Variants in PRUNE2 observed in about 807,000 individuals in gnomAD.
The protein encoded by PRUNE2 is protein prune homolog 2.
PRUNE2 carries 164 observed loss-of-function variants against 252.0 expected under a neutral mutation model. That is an observed-to-expected ratio of 0.65 (90% CI 0.57 to 0.74). The LOEUF is 0.74. Ranked by LOEUF, PRUNE2 falls within the 30% of genes least tolerant of loss-of-function variation. The pLI is 0.00. For synonymous variants in PRUNE2, 1,292 were observed against 1,350.2 expected, an observed-to-expected ratio of 0.96 and a Z score of 0.94; for missense variants, 3,495 against 3,711.0, an observed-to-expected ratio of 0.94 and a Z score of 1.51.
chr9:76,855,592 C>A (rs530072528), intron 1 of PRUNE2, among the ~76,000 whole-genome samples: 1 of 152,116 alleles, frequency 6.6e-6, no homozygotes, highest in Non-Finnish European at 1.5e-5. Flanking sequence ...ATATAACAAA[C>A]CAAATCTTGG....
intron 6 of PRUNE2, among the ~76,000 whole-genome samples, chr9:76,746,184 C>T (rs2050084829): frequency 6.6e-6 from 1 of 152,158 alleles, no homozygotes; most frequent in African/African-American, 2.4e-5. Context: ...AGGGATAAGA[C>T]TGTCTTATCT....
chr9:76,644,916 G>A lies in PRUNE2; in HGVS notation c.8558-7C>T. ...TCTTTGTTGGCTGTGGGATCTTCTG[G>A]AAACAAAGCACAGAGCAAGGCTGAA... On this transcript the variant is annotated splice_polypyrimidine_tract_variant and splice_region_variant and intron_variant, in intron 11 of 18. Transcript: ENST00000376718. 6.2e-7 allele frequency: 1 copy of A among 1,612,374 alleles called. No individual in the cohort carries two copies. The highest frequency in any genetic ancestry group is 8.5e-7 in the Non-Finnish European group (1 of 1,179,132).
chr9:76,904,978 T>A (rs1046092440), intron 1 of PRUNE2, among the ~76,000 whole-genome samples: 2 of 152,244 alleles, frequency 1.3e-5, no homozygotes, highest in Admixed American at 6.5e-5. Flanking sequence ...TTTTGGCTTC[T>A]ATGAAGGCTT....
At chr9:76,659,863 C>A (rs1022951020) in intron 9 of PRUNE2, among the ~76,000 whole-genome samples, 1 of 150,444 alleles carries the variant, frequency 6.6e-6, no homozygotes, top group Non-Finnish European at 1.5e-5. Flanking sequence ...AAATAAATAA[C>A]ATATATAGAA....
intron 12 of PRUNE2, chr9:76,642,013 A>AG (rs1564422229): frequency 1.6e-5 from 22 of 1,372,838 alleles, no homozygotes; most frequent in Middle Eastern, 1.8e-4. Flanking sequence ...AAAAAAAAAA[A>AG]AAAAGAAAAG....
intron 18 of PRUNE2, chr9:76,615,168 TGAG>T (rs768047336): frequency 5.4e-5 from 53 of 985,354 alleles, no homozygotes; most frequent in South Asian, 9.4e-5. Flanking sequence ...CCCAAGTATC[TGAG>T]GAGTAAGCCT....
chr9:76,888,149 A>C (rs1246047424), intron 1 of PRUNE2, among the ~76,000 whole-genome samples: 1 of 152,230 alleles, frequency 6.6e-6, no homozygotes, highest in Non-Finnish European at 1.5e-5. Flanking sequence ...GGAGGACCAT[A>C]AATAACTAAG....
At chr9:76,713,461 A>C in intron 7 of PRUNE2, 102 bp downstream of exon 7, 1 of 858,126 alleles carries the variant, frequency 1.2e-6, no homozygotes, top group Non-Finnish European at 1.7e-6. Flanking sequence ...CTCTTGGGCT[A>C]ATTGCTCATG....
chr9:76,726,401 G>A (rs1414708172), intron 6 of PRUNE2, among the ~76,000 whole-genome samples: 4 of 152,208 alleles, frequency 2.6e-5, no homozygotes, highest in Admixed American at 6.5e-5. Context: ...ACAGGCACAC[G>A]CACATACATT....
At chr9:76,776,763 C>T (rs2053814877) in intron 6 of PRUNE2, among the ~76,000 whole-genome samples, 1 of 151,702 alleles carries the variant, frequency 6.6e-6, no homozygotes, top group Non-Finnish European at 1.5e-5. Flanking sequence ...GATCCACCCA[C>T]CTCAGCCTCC....
intron 4 of PRUNE2, among the ~76,000 whole-genome samples, chr9:76,836,515 A>G (rs1269008075): frequency 6.6e-6 from 1 of 151,908 alleles, no homozygotes; most frequent in Non-Finnish European, 1.5e-5. Flanking sequence ...TCCAAAACTC[A>G]GGGCCATTTA....
intron 6 of PRUNE2, among the ~76,000 whole-genome samples, chr9:76,762,469 A>G (rs1233152355): frequency 6.6e-6 from 1 of 152,204 alleles, no homozygotes; most frequent in Non-Finnish European, 1.5e-5. Context: ...GAAGAGGCCC[A>G]TCTTTAAAAT....
intron 11 of PRUNE2, among the ~76,000 whole-genome samples, chr9:76,648,245 T>C (rs2133111116): frequency 6.6e-6 from 1 of 152,316 alleles, no homozygotes; most frequent in East Asian, 1.9e-4. Flanking sequence ...CCAGCCACTT[T>C]GGAAGAGTTT....
chr9:76,851,549 GA>G (rs1329349820), intron 2 of PRUNE2, among the ~76,000 whole-genome samples: 2,722 of 113,512 alleles, frequency 0.024, 88 homozygotes, highest in African/African-American at 0.094. Flanking sequence ...CTCTGTCTCG[GA>G]AAAAAAAAAA....
At chr9:76,739,273 C>T (rs141060905) in intron 6 of PRUNE2, 1 of 152,190 alleles carries the variant, frequency 6.6e-6, no homozygotes, top group East Asian at 1.9e-4. Context: ...GGTTTGGATA[C>T]CAGCTGTAGC....
At chr9:76,623,738 C>T (rs1213584469) in intron 17 of PRUNE2, among the ~76,000 whole-genome samples, 1 of 152,172 alleles carries the variant, frequency 6.6e-6, no homozygotes, top group Non-Finnish European at 1.5e-5. Context: ...GTATCTAACC[C>T]AACAATCTTA....
At chr9:76,823,481 A>G (rs573331749) in intron 6 of PRUNE2, 151 bp downstream of exon 6, 21 of 639,760 alleles carry the variant, frequency 3.3e-5, no homozygotes, top group Non-Finnish European at 5.7e-5. Context: ...TTTCACCCAA[A>G]TAATAACCTG....
At chr9:76,870,754 G>A (rs1328136185) in intron 1 of PRUNE2, among the ~76,000 whole-genome samples, 2 of 150,900 alleles carry the variant, frequency 1.3e-5, no homozygotes, top group African/African-American at 4.9e-5. Context: ...TTGACAGTAA[G>A]ATGTGGAGTG....
intron 6 of PRUNE2, chr9:76,778,504 C>G (rs1343398): frequency 0.27 from 40,818 of 152,090 alleles, 5,729 homozygotes; most frequent in East Asian, 0.48. Context: ...CACAGGAGAT[C>G]AGTTGGAGCA....
Sources: gnomAD v4.1 joint callset for allele counts (sites outside exome capture counted in the v4.1 genomes callset) on GRCh38, gnomAD v4.1.1 for gene constraint, MANE v1.5 for transcripts, NCBI Gene and HGNC (gene_info 2026-07-23, HGNC 2026-07-21) for gene names.